The following SHANK2 variants were observed in gnomAD, a reference collection of about 807,000 sequenced individuals.
The protein encoded by SHANK2 is SH3 and multiple ankyrin repeat domains protein 2.
SHANK2 carries 43 observed loss-of-function variants against 133.7 expected under a neutral mutation model. The ratio of observed to expected loss-of-function variants is 0.32; its 90% CI spans 0.25 to 0.41. The LOEUF (loss-of-function observed/expected upper bound fraction) is 0.41. Ranked by LOEUF, SHANK2 falls within the 10% of genes least tolerant of loss-of-function variation. SHANK2 has a pLI of 1.00. For synonymous variants in SHANK2, 1,017 were observed against 952.8 expected, an observed-to-expected ratio of 1.07 and a Z score of -1.24; for missense variants, 1,994 against 2,235.8, an observed-to-expected ratio of 0.89 and a Z score of 2.18.
intron 14 of SHANK2, among the ~76,000 whole-genome samples, chr11:70,757,437 G>A (rs1946898704): frequency 6.6e-6 from 1 of 152,248 alleles, no homozygotes; most frequent in Non-Finnish European, 1.5e-5. Flanking sequence ...TCCCCTACAT[G>A]GAGAGGCCGG....
In SHANK2 at chr11:71,094,650, C is replaced by G. The variant is rs377154081; in HGVS notation, c.631G>C (p.Val211Leu). 6.4e-7 allele frequency: 1 copy of G among 1,551,844 alleles called. No individual in the cohort carries two copies. The highest frequency in any genetic ancestry group is 8.7e-7 in the Non-Finnish European group (1 of 1,147,020). The change falls in exon 7 of 26, where the codon GTG becomes CTG. Residue 211 changes from valine to leucine, a missense_variant. This residue lies in a region of SHANK2 where 653 missense variants were observed against 563.4 expected (regional missense o/e 1.16). Coordinates refer to ENST00000601538, the MANE Select transcript of SHANK2 (RefSeq NM_012309.5). ...TTTTTGAGAGCTTTGATGACCTCCA[C>G]AGAGTCGTCCAGCTGAGCGGCTAAG... ...LTLAAQLDDSVEVIKALKNGG... is the reference protein window; with the variant it reads ...LTLAAQLDDSLEVIKALKNGG...
chr11:70,709,135 T>C (rs1468856115), intron 14 of SHANK2, among the ~76,000 whole-genome samples: 2 of 152,188 alleles, frequency 1.3e-5, no homozygotes, highest in African/African-American at 4.8e-5. Flanking sequence ...CACTTGAGCC[T>C]GGGAGTTTGA....
chr11:71,162,287 G>T (rs557254367), intron 2 of SHANK2, among the ~76,000 whole-genome samples: 2 of 152,336 alleles, frequency 1.3e-5, no homozygotes, highest in South Asian at 4.1e-4. Flanking sequence ...ATGTGGCAAA[G>T]GGCATCACAT....
intron 20 of SHANK2, among the ~76,000 whole-genome samples, chr11:70,501,269 G>A (rs116854077): frequency 0.013 from 1,907 of 152,322 alleles, 13 homozygotes; most frequent in Non-Finnish European, 0.021. Flanking sequence ...GCCCTGGGCC[G>A]AGGAAGGATG....
At position 70,920,749 on chromosome 11, in the gene SHANK2, G is replaced by A. The variant is rs189275353; in HGVS notation, c.1108-24182C>T. Among the ~76,000 whole-genome samples the A allele has an allele frequency of 1.3e-4, 20 of 152,302 alleles. 1 individual carries two copies. The East Asian group carries it at 3.1e-3, about 24-fold the overall frequency. On this transcript the variant is annotated intron_variant, in intron 10 of 25. Transcript: ENST00000601538. ...TGCTGGTAAGTGCTGGCAGCATTAT[G>A]TGAAGAATTTTTTGTGCATGGTAGA...
chr11:71,217,914 G>C (rs1000479679), intron 2 of SHANK2, among the ~76,000 whole-genome samples: 1 of 151,968 alleles, frequency 6.6e-6, no homozygotes, highest in South Asian at 2.1e-4. Flanking sequence ...GCAGTGGCGC[G>C]TTCTTGGCTC....
intron 2 of SHANK2, among the ~76,000 whole-genome samples, chr11:71,147,775 T>C (rs1445826783): frequency 1.3e-5 from 2 of 152,202 alleles, no homozygotes; most frequent in Non-Finnish European, 2.9e-5. Flanking sequence ...GGAAGAAACA[T>C]GGGCTTCAGG....
intron 1 of SHANK2, among the ~76,000 whole-genome samples, chr11:71,231,870 C>G (rs1332439764): frequency 6.6e-6 from 1 of 150,790 alleles, no homozygotes; most frequent in African/African-American, 2.4e-5. Context: ...GCCTGGGTGA[C>G]AGGGCCAGGT....
chr11:70,887,363 AT>A (rs11424770), intron 11 of SHANK2, among the ~76,000 whole-genome samples: 199 of 146,400 alleles, frequency 1.4e-3, no homozygotes, highest in African/African-American at 4.8e-3. Context: ...GTCCCATTTA[AT>A]TTTTTTTTTT....
At chr11:70,769,578 G>C (rs1049112520) in intron 14 of SHANK2, among the ~76,000 whole-genome samples, 1 of 152,104 alleles carries the variant, frequency 6.6e-6, no homozygotes, top group African/African-American at 2.4e-5. Context: ...GGGGCTCTCT[G>C]AGCCTTCTGC....
chr11:71,095,098 A>G (rs1951583525), intron 6 of SHANK2, among the ~76,000 whole-genome samples: 1 of 152,250 alleles, frequency 6.6e-6, no homozygotes, highest in Non-Finnish European at 1.5e-5. Flanking sequence ...TTCCTCATTC[A>G]ATGTCACATT....
At chr11:71,181,937 A>G (rs1247353636) in intron 2 of SHANK2, among the ~76,000 whole-genome samples, 1 of 152,174 alleles carries the variant, frequency 6.6e-6, no homozygotes, top group Non-Finnish European at 1.5e-5. Context: ...ACCTGGATGA[A>G]GCATCATGGG....
At chr11:70,847,324 T>C (rs1416223782) in intron 11 of SHANK2, among the ~76,000 whole-genome samples, 4 of 152,200 alleles carry the variant, frequency 2.6e-5, no homozygotes, top group South Asian at 2.1e-4. Flanking sequence ...GAGGTTCTAA[T>C]GAGACGGGGT....
At chr11:70,868,466 A>C (rs1555069538) in intron 11 of SHANK2, among the ~76,000 whole-genome samples, 1 of 152,220 alleles carries the variant, frequency 6.6e-6, no homozygotes, top group Non-Finnish European at 1.5e-5. Flanking sequence ...GCACGAGGCT[A>C]TTGACTATTA....
intron 8 of SHANK2, among the ~76,000 whole-genome samples, chr11:71,079,125 A>G (rs1951258271): frequency 6.6e-6 from 1 of 152,260 alleles, no homozygotes; most frequent in Admixed American, 6.5e-5. Flanking sequence ...ATCCCCGTGA[A>G]GGTGTGATGC....
chr11:70,585,876 A>G (rs1373349965), intron 17 of SHANK2, among the ~76,000 whole-genome samples: 14 of 119,138 alleles, frequency 1.2e-4, no homozygotes, highest in Non-Finnish European at 2.0e-4. Flanking sequence ...TTAGCCATCC[A>G]TCCATCCATG....
intron 15 of SHANK2, among the ~76,000 whole-genome samples, chr11:70,663,316 C>A (rs1944612318): frequency 6.6e-6 from 1 of 152,142 alleles, no homozygotes; most frequent in South Asian, 2.1e-4. Context: ...GCACAGCCAC[C>A]CCGGATTGGG....
intron 13 of SHANK2, among the ~76,000 whole-genome samples, chr11:70,802,316 A>G (rs1175526122): frequency 1.3e-5 from 2 of 152,138 alleles, no homozygotes; most frequent in African/African-American, 4.8e-5. Context: ...TGTCCTCACT[A>G]TGGCCACCAC....
At position 70,528,797 on chromosome 11, in the gene SHANK2, G is replaced by C. The variant is rs566473266; in HGVS notation, c.2062-25866C>G. Among the ~76,000 whole-genome samples the C allele has an allele frequency of 2.0e-5, 3 of 152,140 alleles. No homozygotes were observed. In the East Asian group the frequency reaches 5.8e-4, roughly 30 times the overall value. On this transcript the variant is annotated intron_variant, in intron 17 of 25. Transcript: ENST00000601538. ...GTGGGGGAGGGTGAAAGGTGAAGGG[G>C]GGTCCGTGGCAGCCGGCGAGCTGGG... is the stretch of plus-strand genomic sequence containing the variant.
Sources: gnomAD v4.1 joint callset for allele counts (sites outside exome capture counted in the v4.1 genomes callset) on GRCh38, gnomAD v4.1.1 for gene constraint, gnomAD v4.1.1 regional missense constraint, MANE v1.5 for transcripts, NCBI Gene and HGNC (gene_info 2026-07-23, HGNC 2026-07-21) for gene names.